Variants in COMMD10 observed in about 807,000 individuals in gnomAD.
The protein encoded by COMMD10 is COMM domain-containing protein 10.
COMMD10 carries 33 observed loss-of-function variants against 28.9 expected under a neutral mutation model. The observed-to-expected ratio is 1.14, with a 90% CI of 0.87 to 1.53. COMMD10 has a LOEUF of 1.53. Among genes scored for constraint, COMMD10 ranks in the 40% most tolerant of loss-of-function variants. The pLI is 0.00. For synonymous variants in COMMD10, 110 were observed against 81.7 expected, an observed-to-expected ratio of 1.35 and a Z score of -1.87; for missense variants, 310 against 233.4, an observed-to-expected ratio of 1.33 and a Z score of -2.14.
intron 5 of COMMD10, among the ~76,000 whole-genome samples, chr5:116,146,804 AATT>A (rs1362507957): frequency 1.3e-5 from 2 of 151,826 alleles, no homozygotes; most frequent in Non-Finnish European, 1.5e-5. Context: ...TCTCAGAAGA[AATT>A]ATTGGGCACT....
intron 5 of COMMD10, among the ~76,000 whole-genome samples, chr5:116,202,936 G>C (rs866526990): frequency 6.6e-6 from 1 of 152,006 alleles, no homozygotes. Flanking sequence ...ATTGCTTTTG[G>C]TGTTTTAGAC....
At chr5:116,201,195 T>C (rs1357905185) in intron 5 of COMMD10, among the ~76,000 whole-genome samples, 1 of 152,132 alleles carries the variant, frequency 6.6e-6, no homozygotes, top group Non-Finnish European at 1.5e-5. Context: ...TTAAGCTCTG[T>C]TTAAATAGTT....
chr5:116,208,676 A>T (rs1025849586), intron 5 of COMMD10, among the ~76,000 whole-genome samples: 1 of 135,900 alleles, frequency 7.4e-6, no homozygotes, highest in Admixed American at 7.9e-5. Context: ...TCACTGTGTG[A>T]ATAGACATAG....
chr5:116,201,993 C>T (rs1008343268), intron 5 of COMMD10, among the ~76,000 whole-genome samples: 1 of 150,930 alleles, frequency 6.6e-6, no homozygotes, highest in Non-Finnish European at 1.5e-5. Flanking sequence ...CCCATTAACT[C>T]GTCATCTAGC....
intron 5 of COMMD10, among the ~76,000 whole-genome samples, chr5:116,164,037 C>T (rs1203243308): frequency 6.6e-6 from 1 of 152,106 alleles, no homozygotes; most frequent in East Asian, 1.9e-4. Context: ...CACTCTGAGG[C>T]CAGGCCTGGT....
chr5:116,104,207 G>A (rs998313705), intron 4 of COMMD10, among the ~76,000 whole-genome samples: 4 of 152,266 alleles, frequency 2.6e-5, no homozygotes, highest in Non-Finnish European at 4.4e-5. Context: ...GCTTGATGGG[G>A]ATAGCATTGA....
intron 4 of COMMD10, among the ~76,000 whole-genome samples, chr5:116,105,548 T>C (rs962341278): frequency 3.9e-5 from 6 of 152,218 alleles, no homozygotes; most frequent in African/African-American, 1.4e-4. Context: ...AGCTTCTCTT[T>C]GTACCTCTGG....
intron 5 of COMMD10, among the ~76,000 whole-genome samples, chr5:116,276,372 C>T (rs1395384264): frequency 1.3e-5 from 2 of 151,588 alleles, no homozygotes; most frequent in Non-Finnish European, 2.9e-5. Flanking sequence ...CCTGCCCCAG[C>T]CTCCCAAGTA....
At chr5:116,205,887 A>T (rs1422862383) in intron 5 of COMMD10, among the ~76,000 whole-genome samples, 1 of 152,048 alleles carries the variant, frequency 6.6e-6, no homozygotes, top group Admixed American at 6.6e-5. Context: ...TTTGCTTTAC[A>T]TTATTCTCAG....
At chr5:116,259,642 T>A (rs1440527256) in intron 5 of COMMD10, among the ~76,000 whole-genome samples, 1 of 151,776 alleles carries the variant, frequency 6.6e-6, no homozygotes, top group African/African-American at 2.4e-5. Context: ...CCTTTTTACT[T>A]CTTGTACTAT....
intron 5 of COMMD10, among the ~76,000 whole-genome samples, chr5:116,235,950 GCATA>G (rs1034939593): frequency 6.6e-6 from 1 of 151,984 alleles, no homozygotes; most frequent in African/African-American, 2.4e-5. Context: ...TCTTTCTATA[GCATA>G]CATACATTAT....
intron 5 of COMMD10, among the ~76,000 whole-genome samples, chr5:116,256,390 A>T (rs1750286549): frequency 6.6e-6 from 1 of 151,738 alleles, no homozygotes; most frequent in South Asian, 2.1e-4. Context: ...TATAATTTAG[A>T]TGTTAGTTTT....
intron 5 of COMMD10, among the ~76,000 whole-genome samples, chr5:116,173,737 A>G (rs1048830843): frequency 1.3e-5 from 2 of 152,112 alleles, no homozygotes; most frequent in African/African-American, 4.8e-5. Context: ...AGAGATACAA[A>G]TAGAATTGCA....
At chr5:116,160,420 G>A (rs191657260) in intron 5 of COMMD10, among the ~76,000 whole-genome samples, 3 of 152,248 alleles carry the variant, frequency 2.0e-5, no homozygotes, top group African/African-American at 7.2e-5. Context: ...AATATCAGGT[G>A]CTGTATTAAA....
intron 4 of COMMD10, among the ~76,000 whole-genome samples, chr5:116,122,869 G>T (rs1466073882): frequency 6.6e-6 from 1 of 152,210 alleles, no homozygotes; most frequent in Non-Finnish European, 1.5e-5. Flanking sequence ...AGCTTAAGGA[G>T]ATTTTGGGCT....
chr5:116,104,436 T>C (rs1750767296), intron 4 of COMMD10, among the ~76,000 whole-genome samples: 1 of 152,158 alleles, frequency 6.6e-6, no homozygotes, highest in African/African-American at 2.4e-5. Context: ...ACTCATGATT[T>C]GTCTTTCTGT....
chr5:116,149,210 A>G (rs1561631472), intron 5 of COMMD10, among the ~76,000 whole-genome samples: 1 of 146,632 alleles, frequency 6.8e-6, no homozygotes, highest in Non-Finnish European at 1.5e-5. Context: ...GCTGCGTAGT[A>G]TTCCATGGTA....
intron 5 of COMMD10, among the ~76,000 whole-genome samples, chr5:116,227,234 G>C (rs1224587457): frequency 6.6e-6 from 1 of 151,920 alleles, no homozygotes. Flanking sequence ...CAAGGCCCTT[G>C]AAATAAGGGC....
chr5:116,086,884 C>A (rs965529627), intron 1 of COMMD10, among the ~76,000 whole-genome samples: 1 of 152,088 alleles, frequency 6.6e-6, no homozygotes, highest in South Asian at 2.1e-4. Flanking sequence ...GGCTGAGGCA[C>A]AAGGATTCTT....
Sources: gnomAD v4.1 joint callset for allele counts (sites outside exome capture counted in the v4.1 genomes callset) on GRCh38, gnomAD v4.1.1 for gene constraint, MANE v1.5 for transcripts, NCBI Gene and HGNC (gene_info 2026-07-23, HGNC 2026-07-21) for gene names.